Variants in CCNT1 observed in about 807,000 individuals in gnomAD.
The protein encoded by CCNT1 is cyclin-T1.
In CCNT1, 18 loss-of-function variants were observed where a neutral mutation model predicts 67.3. That is an observed-to-expected ratio of 0.27 (90% confidence interval 0.18 to 0.40). The LOEUF (loss-of-function observed/expected upper bound fraction) is 0.40, where lower values mean the gene tolerates loss of function less well. CCNT1 is among the 10% of genes least tolerant of loss of function. The probability of loss-of-function intolerance (pLI) is 1.00; values close to 1 mark genes in which losing one functional copy is unlikely to be tolerated. For missense variants in CCNT1, 744 were observed against 884.9 expected, an observed-to-expected ratio of 0.84 and a Z score of 2.02; for synonymous variants, 333 against 310.3, an observed-to-expected ratio of 1.07 and a Z score of -0.77.
rs539460206 is a variant in CCNT1 at position 48,709,380 on chromosome 12, C to G, written c.244-3484G>C. On this transcript the variant is annotated intron_variant, in intron 2 of 8. Transcript: ENST00000261900. ...ATAATCTTTCAGTAGGGCAAACTGA[C>G]ACTACAAAAATTTTTATACATTGTA... 1.4e-4 allele frequency among the ~76,000 whole-genome samples: 21 copies of G among 152,242 alleles called. No homozygotes were observed. The Middle Eastern group carries it at 0.014, about 99-fold the overall frequency.
intron 2 of CCNT1, among the ~76,000 whole-genome samples, chr12:48,712,026 C>T (rs11168695): frequency 0.22 from 33,975 of 152,010 alleles, 4,795 homozygotes; most frequent in Non-Finnish European, 0.33. Context: ...GATCTGCTGA[C>T]CTCGTGATCC....
intron 2 of CCNT1, 56 bp downstream of exon 2, chr12:48,714,387 T>G (rs530553862): frequency 7.4e-6 from 8 of 1,079,026 alleles, no homozygotes; most frequent in African/African-American, 6.3e-5. Flanking sequence ...ACAAATGGAA[T>G]AGGTAGGTGG....
chr12:48,708,297 A>G (rs1421814263), intron 2 of CCNT1, among the ~76,000 whole-genome samples: 1 of 152,194 alleles, frequency 6.6e-6, no homozygotes, highest in Admixed American at 6.5e-5. Context: ...CTGTAATCCC[A>G]GCACTTTGGG....
intron 1 of CCNT1, among the ~76,000 whole-genome samples, chr12:48,714,852 G>A (rs764903470): frequency 6.6e-6 from 1 of 151,942 alleles, no homozygotes; most frequent in Non-Finnish European, 1.5e-5. Context: ...ACACTCTGTC[G>A]CCCACACTGG....
At chr12:48,704,333 G>A (rs953486214) in intron 3 of CCNT1, among the ~76,000 whole-genome samples, 1 of 152,196 alleles carries the variant, frequency 6.6e-6, no homozygotes, top group African/African-American at 2.4e-5. Flanking sequence ...CATACATATT[G>A]CCACCTGAGC....
chr12:48,705,754 A>C lies in CCNT1; in HGVS notation c.372+14T>G, dbSNP rs377238129. The C allele has an allele frequency of 6.3e-7, 1 of 1,598,944 alleles. No individual in the cohort carries two copies. The highest frequency in any genetic ancestry group is 8.5e-7 in the Non-Finnish European group (1 of 1,174,066). On this transcript the variant is annotated intron_variant, in intron 3 of 8. Coordinates refer to ENST00000261900, the MANE Select transcript of CCNT1 (RefSeq NM_001240.4). ...AAAAAATTAAGAAAAACAGATGTGTAATTAATCTCCTACCTCACTTCTAGT... is the reference window on the plus strand; with the variant it reads ...AAAAAATTAAGAAAAACAGATGTGTCATTAATCTCCTACCTCACTTCTAGT...
At chr12:48,707,443 C>A (rs766107844) in intron 2 of CCNT1, among the ~76,000 whole-genome samples, 1 of 151,784 alleles carries the variant, frequency 6.6e-6, no homozygotes, top group Non-Finnish European at 1.5e-5. Flanking sequence ...CCACCACACC[C>A]AGTTAATTTA....
intron 1 of CCNT1, among the ~76,000 whole-genome samples, chr12:48,716,058 G>A (rs1402566504): frequency 6.6e-6 from 1 of 152,222 alleles, no homozygotes; most frequent in East Asian, 1.9e-4. Flanking sequence ...TTTGGACCAA[G>A]GCTGAGGCAT....
chr12:48,702,065 TTTTGTA>T (rs751904093), intron 3 of CCNT1, among the ~76,000 whole-genome samples: 1 of 152,054 alleles, frequency 6.6e-6, no homozygotes, highest in Non-Finnish European at 1.5e-5. Flanking sequence ...CCCGGCTAGT[TTTTGTA>T]TATTTAGTAG....
Position 48,716,529 on chromosome 12 carries a change from C to T in CCNT1, c.147G>A (p.Gly49=). Residue 49 remains glycine, a synonymous_variant, in exon 1 of 9, where the codon GGG becomes GGA. Coordinates refer to ENST00000261900, the MANE Select transcript of CCNT1 (RefSeq NM_001240.4). The part of the protein sequence containing the change: ...QQAANLLQDM[G]QRLNVSQLTI... ...CACAAGGATACACGTTAAGACGCTG[C>T]CCCATGTCCTGAAGCAGATTGGCCG... is the stretch of plus-strand genomic sequence containing the variant. 2 of 1,613,928 alleles carry T rather than the reference C, an allele frequency of 1.2e-6. No individual in the cohort carries two copies. Among genetic ancestry groups the T allele is most frequent in the Non-Finnish European group, 1.7e-6 (2 of 1,179,860 alleles).
intron 2 of CCNT1, 112 bp downstream of exon 2, chr12:48,714,331 C>A: frequency 1.5e-6 from 1 of 669,722 alleles, no homozygotes; most frequent in Non-Finnish European, 2.7e-6. Context: ...AGTGATCAAC[C>A]CTAAATTCTA....
chr12:48,706,856 C>T (rs1026045323), intron 2 of CCNT1, among the ~76,000 whole-genome samples: 2 of 152,130 alleles, frequency 1.3e-5, no homozygotes, highest in African/African-American at 4.8e-5. Flanking sequence ...TCCACAAATT[C>T]AACTCATAGT....
chr12:48,701,145 C>T, intron 3 of CCNT1, 72 bp from the exon 4 acceptor site: 1 of 819,328 alleles, frequency 1.2e-6, no homozygotes, highest in Non-Finnish European at 1.9e-6. Context: ...TCTAACAATC[C>T]CTTCCAGGGA....
intron 3 of CCNT1, among the ~76,000 whole-genome samples, chr12:48,703,939 A>T (rs1253379753): frequency 6.6e-6 from 1 of 152,214 alleles, no homozygotes; most frequent in African/African-American, 2.4e-5. Flanking sequence ...AAAAAAAAAA[A>T]AGAATATTTT....
At chr12:48,708,199 C>T (rs1333218000) in intron 2 of CCNT1, among the ~76,000 whole-genome samples, 1 of 151,962 alleles carries the variant, frequency 6.6e-6, no homozygotes, top group Non-Finnish European at 1.5e-5. Flanking sequence ...CACAATGAGA[C>T]CCTGTCTCTG....
chr12:48,695,541 A>G (rs1451606081), intron 8 of CCNT1, among the ~76,000 whole-genome samples: 2 of 152,210 alleles, frequency 1.3e-5, no homozygotes, highest in Non-Finnish European at 2.9e-5. Context: ...TCAAATGATC[A>G]TATCACAGGA....
At chr12:48,697,946 T>C in intron 6 of CCNT1, 192 bp downstream of exon 6, 1 of 389,718 alleles carries the variant, frequency 2.6e-6, no homozygotes, top group Non-Finnish European at 4.7e-6. Context: ...CTGAGTAGGT[T>C]ATCAAAAAAA....
At chr12:48,702,110 T>C (rs1368828410) in intron 3 of CCNT1, among the ~76,000 whole-genome samples, 1 of 151,980 alleles carries the variant, frequency 6.6e-6, no homozygotes, top group Non-Finnish European at 1.5e-5. Context: ...TTGGCAAAGC[T>C]GGTCTTGAAC....
At chr12:48,705,281 T>TTGTTG (rs1565619410) in intron 3 of CCNT1, among the ~76,000 whole-genome samples, 11 of 150,836 alleles carry the variant, frequency 7.3e-5, no homozygotes, top group African/African-American at 1.9e-4. Flanking sequence ...CCAGTTGTTT[T>TTGTTG]TTGTTGTTGT....
Sources: gnomAD v4.1 joint callset for allele counts (sites outside exome capture counted in the v4.1 genomes callset) on GRCh38, gnomAD v4.1.1 for gene constraint, MANE v1.5 for transcripts, NCBI Gene and HGNC (gene_info 2026-07-23, HGNC 2026-07-21) for gene names.